The following TMEM45A variants were observed in gnomAD, a reference collection of about 807,000 sequenced individuals.
TMEM45A encodes the protein transmembrane protein 45A, also known as DNA polymerase-transactivated protein 4.
In TMEM45A, 25 loss-of-function variants were observed where a neutral mutation model predicts 32.0. The ratio of observed to expected loss-of-function variants is 0.78; its 90% CI spans 0.57 to 1.09. The LOEUF (loss-of-function observed/expected upper bound fraction) is 1.09, where lower values mean the gene tolerates loss of function less well. TMEM45A is among the 50% of genes least tolerant of loss of function. The pLI is 0.00. For missense variants in TMEM45A, 302 were observed against 325.0 expected, an observed-to-expected ratio of 0.93 and a Z score of 0.54; for synonymous variants, 122 against 114.8, an observed-to-expected ratio of 1.06 and a Z score of -0.40.
chr3:100,528,836 G>T (rs1025962663), intron 1 of TMEM45A, among the ~76,000 whole-genome samples: 1 of 152,114 alleles, frequency 6.6e-6, no homozygotes, highest in African/African-American at 2.4e-5. Context: ...CCAAAAGCAT[G>T]CAGAACACTA....
intron 1 of TMEM45A, among the ~76,000 whole-genome samples, chr3:100,515,822 G>A (rs1344303225): frequency 6.6e-6 from 1 of 152,080 alleles, no homozygotes; most frequent in African/African-American, 2.4e-5. Flanking sequence ...GAGTAGAATG[G>A]TGGTTACCAG....
chr3:100,523,893 T>G (rs1238075653), intron 1 of TMEM45A, among the ~76,000 whole-genome samples: 3 of 152,206 alleles, frequency 2.0e-5, no homozygotes, highest in Non-Finnish European at 4.4e-5. Context: ...GCTAATTGAA[T>G]GAAGGAAGGA....
intron 1 of TMEM45A, among the ~76,000 whole-genome samples, chr3:100,515,862 A>G (rs1026556474): frequency 1.3e-5 from 2 of 152,150 alleles, no homozygotes; most frequent in South Asian, 2.1e-4. Context: ...AGGAGGATGA[A>G]GAGAGGTTGG....
intron 1 of TMEM45A, among the ~76,000 whole-genome samples, chr3:100,538,161 T>C (rs868152178): frequency 1.3e-5 from 2 of 152,204 alleles, no homozygotes; most frequent in South Asian, 4.1e-4. Flanking sequence ...AACTAGATTC[T>C]TGTATTATGG....
In TMEM45A at chr3:100,561,440, A is replaced by G. The variant is rs2148987660; in HGVS notation, c.588+2851A>G. 1.3e-5 allele frequency among the ~76,000 whole-genome samples: 2 copies of G among 152,284 alleles called. 1 individual carries two copies. The highest frequency in any genetic ancestry group is 4.1e-4 in the South Asian group (2 of 4,822). ...TGGAGATGTGAATTGAAGGAAACCA[A>G]TACTCAGATTGGCCACTTTTTTATC... On this transcript the variant is annotated intron_variant, in intron 4 of 5. Coordinates refer to ENST00000323523, the MANE Select transcript of TMEM45A (RefSeq NM_018004.3).
chr3:100,513,277 A>G (rs977858779), intron 1 of TMEM45A, among the ~76,000 whole-genome samples: 32 of 152,136 alleles, frequency 2.1e-4, no homozygotes, highest in African/African-American at 7.5e-4. Context: ...CTTATCCACC[A>G]TGATCAAGTG....
intron 1 of TMEM45A, among the ~76,000 whole-genome samples, chr3:100,551,682 T>G (rs552699068): frequency 1.2e-4 from 19 of 152,330 alleles, no homozygotes; most frequent in African/African-American, 3.8e-4. Flanking sequence ...TGAATGATGT[T>G]TTTATTGCCA....
chr3:100,561,151 C>T (rs1234911413), intron 4 of TMEM45A, among the ~76,000 whole-genome samples: 1 of 152,128 alleles, frequency 6.6e-6, no homozygotes, highest in Non-Finnish European at 1.5e-5. Context: ...GTGACATTCC[C>T]ACTACTGCAC....
chr3:100,516,585 C>T (rs1246610067), intron 1 of TMEM45A, among the ~76,000 whole-genome samples: 1 of 152,138 alleles, frequency 6.6e-6, no homozygotes, highest in Non-Finnish European at 1.5e-5. Flanking sequence ...CCTTTATTTC[C>T]TTCCTTTTCT....
intron 1 of TMEM45A, among the ~76,000 whole-genome samples, chr3:100,503,963 G>C (rs981396719): frequency 6.6e-6 from 1 of 152,172 alleles, no homozygotes; most frequent in Non-Finnish European, 1.5e-5. Flanking sequence ...AATGTTATTG[G>C]TTGCCACTTT....
chr3:100,514,642 A>G (rs1166439614), intron 1 of TMEM45A, among the ~76,000 whole-genome samples: 1 of 152,224 alleles, frequency 6.6e-6, no homozygotes, highest in Non-Finnish European at 1.5e-5. Context: ...TAATTAAACT[A>G]AAGAGCTTGT....
At chr3:100,562,195 A>C (rs1467527138) in intron 4 of TMEM45A, among the ~76,000 whole-genome samples, 1 of 149,956 alleles carries the variant, frequency 6.7e-6, no homozygotes, top group Non-Finnish European at 1.5e-5. Flanking sequence ...TTACAGCAAG[A>C]AAAACTTTTT....
chr3:100,572,440 TG>T (rs921312707), intron 5 of TMEM45A: 90 of 152,184 alleles, frequency 5.9e-4, no homozygotes, highest in African/African-American at 2.1e-3. Flanking sequence ...CACTTTTTGA[TG>T]GGGTTGTTTG....
intron 5 of TMEM45A, among the ~76,000 whole-genome samples, chr3:100,576,638 G>GAAAAGA (rs766976717): frequency 2.7e-4 from 41 of 151,782 alleles, no homozygotes; most frequent in Non-Finnish European, 4.1e-4. Context: ...AAATAGAAAA[G>GAAAAGA]AAAAGAAAAA....
intron 1 of TMEM45A, among the ~76,000 whole-genome samples, chr3:100,552,077 C>A (rs1706117306): frequency 6.6e-6 from 1 of 152,124 alleles, no homozygotes; most frequent in African/African-American, 2.4e-5. Context: ...TTTAAAATTT[C>A]ATCATATCTA....
chr3:100,538,252 C>CTTA (rs1435381057), intron 1 of TMEM45A, among the ~76,000 whole-genome samples: 1 of 152,204 alleles, frequency 6.6e-6, no homozygotes, highest in African/African-American at 2.4e-5. Flanking sequence ...TCTATTGCTT[C>CTTA]TTATTGTTCA....
intron 5 of TMEM45A, chr3:100,573,958 C>T (rs1036184191): frequency 2.3e-4 from 35 of 152,270 alleles, no homozygotes; most frequent in African/African-American, 8.2e-4. Flanking sequence ...CCCACTTGAT[C>T]ATGGTGGATA....
chr3:100,535,381 G>A (rs2148960557), intron 1 of TMEM45A, among the ~76,000 whole-genome samples: 1 of 152,148 alleles, frequency 6.6e-6, no homozygotes, highest in African/African-American at 2.4e-5. Flanking sequence ...AATTAACAAT[G>A]AACTATAAAT....
chr3:100,545,571 C>T (rs530728500), intron 1 of TMEM45A, among the ~76,000 whole-genome samples: 10 of 152,284 alleles, frequency 6.6e-5, no homozygotes, highest in South Asian at 2.1e-4. Flanking sequence ...TTCTACCTTT[C>T]GAAATCCACT....
Sources: gnomAD v4.1 joint callset for allele counts (sites outside exome capture counted in the v4.1 genomes callset) on GRCh38, gnomAD v4.1.1 for gene constraint, MANE v1.5 for transcripts, NCBI Gene and HGNC (gene_info 2026-07-23, HGNC 2026-07-21) for gene names.